DPYD: variants seen among roughly 807,000 people sequenced by gnomAD.
The protein encoded by DPYD is dihydropyrimidine dehydrogenase [NADP(+)].
A neutral mutation model predicts 116.2 loss-of-function variants in DPYD; 109 were observed. The observed-to-expected ratio is 0.94, with a 90% CI of 0.80 to 1.10. DPYD has a LOEUF of 1.10. Among genes scored for constraint, DPYD ranks in the 50% least tolerant of loss-of-function variants. The pLI is 0.00. For missense variants in DPYD, 1,302 were observed against 1,254.5 expected, an observed-to-expected ratio of 1.04 and a Z score of -0.57; for synonymous variants, 440 against 432.0, an observed-to-expected ratio of 1.02 and a Z score of -0.23.
intron 14 of DPYD, among the ~76,000 whole-genome samples, chr1:97,410,692 A>C (rs1673938116): frequency 6.6e-6 from 1 of 152,154 alleles, no homozygotes; most frequent in Non-Finnish European, 1.5e-5. Flanking sequence ...TGCAGTTTAA[A>C]AAAGAAGTAG....
chr1:97,129,159 G>A (rs1653080496), intron 20 of DPYD, among the ~76,000 whole-genome samples: 1 of 150,974 alleles, frequency 6.6e-6, no homozygotes. Context: ...CCACCTCCCA[G>A]TTCAAGAGAT....
intron 14 of DPYD, among the ~76,000 whole-genome samples, chr1:97,408,563 G>A (rs1236546442): frequency 6.6e-6 from 1 of 152,104 alleles, no homozygotes; most frequent in Non-Finnish European, 1.5e-5. Context: ...GATTATGTAT[G>A]ATTTCAGGAG....
chr1:97,480,195 T>G (rs892800497), intron 13 of DPYD, among the ~76,000 whole-genome samples: 1 of 152,156 alleles, frequency 6.6e-6, no homozygotes, highest in Non-Finnish European at 1.5e-5. Context: ...ACATCCCTTT[T>G]GAACAATCTC....
intron 14 of DPYD, among the ~76,000 whole-genome samples, chr1:97,404,914 A>AT (rs978199262): frequency 1.4e-5 from 2 of 138,616 alleles, no homozygotes; most frequent in East Asian, 4.4e-4. Flanking sequence ...ATGTGATTCA[A>AT]TTTTTTTCTA....
At chr1:97,770,657 C>T (rs1666091314) in intron 3 of DPYD, among the ~76,000 whole-genome samples, 1 of 152,122 alleles carries the variant, frequency 6.6e-6, no homozygotes, top group South Asian at 2.1e-4. Flanking sequence ...TCCATACAGG[C>T]TGACTAGATA....
chr1:97,603,014 C>G (rs114604607), intron 8 of DPYD, among the ~76,000 whole-genome samples: 1 of 151,884 alleles, frequency 6.6e-6, no homozygotes. Context: ...GTCTCTTGAG[C>G]CTTTTCTCTT....
chr1:97,645,875 T>C (rs187500887), intron 8 of DPYD, among the ~76,000 whole-genome samples: 1 of 152,208 alleles, frequency 6.6e-6, no homozygotes, highest in East Asian at 1.9e-4. Flanking sequence ...GTAGATTCTA[T>C]ATTTGAAGAA....
chr1:97,180,377 A>G (rs1341861466), intron 20 of DPYD, among the ~76,000 whole-genome samples: 1 of 152,130 alleles, frequency 6.6e-6, no homozygotes, highest in African/African-American at 2.4e-5. Context: ...TTTTCTCAGG[A>G]AGAGTATCAG....
intron 16 of DPYD, among the ~76,000 whole-genome samples, chr1:97,370,013 C>G (rs1448209484): frequency 2.6e-5 from 4 of 152,080 alleles, no homozygotes; most frequent in African/African-American, 9.7e-5. Flanking sequence ...TTTCTTTATC[C>G]ACTGTATCAT....
chr1:97,516,813 T>C (rs1648266693), intron 12 of DPYD, among the ~76,000 whole-genome samples: 1 of 151,934 alleles, frequency 6.6e-6, no homozygotes, highest in Admixed American at 6.6e-5. Flanking sequence ...GTAAAGTGTC[T>C]CTCTCACTCC....
chr1:97,724,299 G>T (rs113649293), intron 4 of DPYD, among the ~76,000 whole-genome samples: 1 of 15,356 alleles, frequency 6.5e-5, no homozygotes, highest in African/African-American at 2.5e-4. Flanking sequence ...TATGTGGGGG[G>T]GGGGGGGGGT....
intron 12 of DPYD, among the ~76,000 whole-genome samples, chr1:97,541,134 T>C (rs1475842625): frequency 6.6e-6 from 1 of 152,208 alleles, no homozygotes; most frequent in Non-Finnish European, 1.5e-5. Context: ...TGATGCTTTA[T>C]AACCAGTGGT....
chr1:97,607,079 A>G (rs1177765953), intron 8 of DPYD, among the ~76,000 whole-genome samples: 1 of 152,024 alleles, frequency 6.6e-6, no homozygotes, highest in African/African-American at 2.4e-5. Flanking sequence ...CTGTGCCTCC[A>G]GATTCCCTAG....
At chr1:97,546,942 G>A (rs1650918744) in intron 12 of DPYD, 8 of 1,606,778 alleles carry the variant, frequency 5.0e-6, no homozygotes, top group Admixed American at 1.7e-5. Context: ...AAGAAGAGGA[G>A]GAAGAGGAAG....
At chr1:97,760,110 G>T (rs1334108572) in intron 3 of DPYD, among the ~76,000 whole-genome samples, 1 of 152,098 alleles carries the variant, frequency 6.6e-6, no homozygotes, top group Non-Finnish European at 1.5e-5. Flanking sequence ...GAATATAGAA[G>T]TACGTAAAGC....
At chr1:97,723,113 A>T (rs1205398723) in intron 4 of DPYD, among the ~76,000 whole-genome samples, 1 of 151,650 alleles carries the variant, frequency 6.6e-6, no homozygotes, top group East Asian at 1.9e-4. Flanking sequence ...GTAAATGAAC[A>T]TTTTAAAATA....
chr1:97,832,045 T>TGTGTGTGTG (rs1669562760), intron 2 of DPYD, among the ~76,000 whole-genome samples: 3 of 133,950 alleles, frequency 2.2e-5, no homozygotes, highest in Non-Finnish European at 4.7e-5. Flanking sequence ...ATATAATGTA[T>TGTGTGTGTG]TGTGTGTGTG....
At position 97,496,363 on chromosome 1, in the gene DPYD, C is replaced by T. The variant is rs529317437; in HGVS notation, c.1740+19363G>A. On this transcript the variant is annotated intron_variant, in intron 13 of 22. Transcript: ENST00000370192. ...TGCCTAGAAATAATTTGTCAATGAA[C>T]ATGTTCATCTGCTCTCACTCTTGTG... 2.0e-5 allele frequency among the ~76,000 whole-genome samples: 3 copies of T among 152,154 alleles called. 1 individual carries two copies. The highest frequency in any genetic ancestry group is 7.2e-5 in the African/African-American group (3 of 41,562).
chr1:97,181,002 G>T (rs1158317346), intron 20 of DPYD, among the ~76,000 whole-genome samples: 1 of 152,104 alleles, frequency 6.6e-6, no homozygotes, highest in African/African-American at 2.4e-5. Context: ...GCACATTGCT[G>T]CCCAAATTCC....
Sources: gnomAD v4.1 joint callset for allele counts (sites outside exome capture counted in the v4.1 genomes callset) on GRCh38, gnomAD v4.1.1 for gene constraint, MANE v1.5 for transcripts, NCBI Gene and HGNC (gene_info 2026-07-23, HGNC 2026-07-21) for gene names.